The following RBMS3 variants were observed in gnomAD, a reference collection of about 807,000 sequenced individuals.
RBMS3 encodes RNA binding motif single stranded interacting protein 3.
In RBMS3, 27 loss-of-function variants were observed where a neutral mutation model predicts 66.8. That is an observed-to-expected ratio of 0.40 (90% CI 0.30 to 0.56). The LOEUF (loss-of-function observed/expected upper bound fraction) is 0.56, where lower values mean the gene tolerates loss of function less well. Among genes scored for constraint, RBMS3 ranks in the 20% least tolerant of loss-of-function variants. The pLI is 0.40. For missense variants in RBMS3, 513 were observed against 549.5 expected (o/e 0.93, Z 0.66); for synonymous variants, 188 against 183.0 (o/e 1.03, Z -0.22).
chr3:29,719,647 C>G (rs2053557232), intron 4 of RBMS3, among the ~76,000 whole-genome samples: 2 of 152,136 alleles, frequency 1.3e-5, no homozygotes, highest in African/African-American at 4.8e-5. Context: ...TTTCCCCCCT[C>G]ACATTTGGCC....
Position 29,558,669 on chromosome 3 carries a change from T to G in RBMS3, c.308-28445T>G, listed in dbSNP as rs560412533. On this transcript the variant is annotated intron_variant, in intron 3 of 14. Transcript: ENST00000383767. ...TGTAAACTCTTAGAACCTGAAATGATCTGTATATGGAATTAAAGGTAATTC... is the reference window on the plus strand; with the variant it reads ...TGTAAACTCTTAGAACCTGAAATGAGCTGTATATGGAATTAAAGGTAATTC... Among the ~76,000 whole-genome samples, 39 of 152,286 alleles carry G rather than the reference T, an allele frequency of 2.6e-4. No individual in the cohort carries two copies. The South Asian group carries it at 8.1e-3, about 32-fold the overall frequency.
intron 1 of RBMS3, among the ~76,000 whole-genome samples, chr3:29,325,153 TGTAA>T (rs1204952510): frequency 6.6e-6 from 1 of 152,196 alleles, no homozygotes; most frequent in Non-Finnish European, 1.5e-5. Context: ...TGTATTAAGT[TGTAA>T]GTATCTCCAA....
At chr3:29,564,312 C>T (rs891731227) in intron 3 of RBMS3, among the ~76,000 whole-genome samples, 4 of 151,654 alleles carry the variant, frequency 2.6e-5, no homozygotes, top group East Asian at 3.9e-4. Context: ...CATGTCTCCA[C>T]TAAAAATACA....
chr3:29,874,268 T>C (rs2059559074), intron 7 of RBMS3, among the ~76,000 whole-genome samples: 1 of 152,176 alleles, frequency 6.6e-6, no homozygotes, highest in Non-Finnish European at 1.5e-5. Flanking sequence ...GACATAGAAT[T>C]AAACCACTGG....
At chr3:29,376,955 G>A (rs544354450) in intron 1 of RBMS3, among the ~76,000 whole-genome samples, 1 of 152,132 alleles carries the variant, frequency 6.6e-6, no homozygotes, top group Non-Finnish European at 1.5e-5. Flanking sequence ...CGGACGTGGT[G>A]GCGGATGCCT....
intron 4 of RBMS3, among the ~76,000 whole-genome samples, chr3:29,680,886 T>G (rs2051457885): frequency 6.6e-6 from 1 of 152,226 alleles, no homozygotes. Flanking sequence ...ACAGGAATCT[T>G]AAGTATGCTG....
intron 4 of RBMS3, chr3:29,616,457 G>A (rs1010213513): frequency 6.4e-6 from 1 of 156,206 alleles, no homozygotes; most frequent in Non-Finnish European, 1.4e-5. Flanking sequence ...CTGCACTCCA[G>A]ACTGGGCCAC....
chr3:29,525,904 T>C (rs139199240), intron 3 of RBMS3, among the ~76,000 whole-genome samples: 43 of 152,306 alleles, frequency 2.8e-4, no homozygotes, highest in Non-Finnish European at 5.6e-4. Flanking sequence ...TGAAGTGTTG[T>C]TTTCCAGCGA....
intron 1 of RBMS3, among the ~76,000 whole-genome samples, chr3:29,321,332 C>A (rs1014642330): frequency 1.3e-5 from 2 of 152,072 alleles, no homozygotes; most frequent in Non-Finnish European, 2.9e-5. Context: ...TTACTGTTTT[C>A]CATTTAACAA....
At chr3:29,766,527 A>T (rs189845243) in intron 6 of RBMS3, 12 of 152,116 alleles carry the variant, frequency 7.9e-5, no homozygotes, top group South Asian at 2.1e-4. Context: ...CTAATTCCTG[A>T]CAGATAAGTG....
intron 12 of RBMS3, among the ~76,000 whole-genome samples, chr3:29,981,224 GCTCT>G (rs1196879632): frequency 6.6e-6 from 1 of 151,852 alleles, no homozygotes; most frequent in East Asian, 1.9e-4. Context: ...TCATGATTTG[GCTCT>G]CTGTCTATTA....
chr3:29,371,865 G>GT (rs889143912), intron 1 of RBMS3, among the ~76,000 whole-genome samples: 19 of 151,824 alleles, frequency 1.3e-4, no homozygotes, highest in African/African-American at 3.9e-4. Flanking sequence ...TTTACAAGAA[G>GT]TTTTTTTTAA....
At chr3:29,432,839 T>C (rs1014897230) in intron 1 of RBMS3, among the ~76,000 whole-genome samples, 5 of 152,076 alleles carry the variant, frequency 3.3e-5, no homozygotes, top group African/African-American at 1.2e-4. Flanking sequence ...GGGTGAAAAG[T>C]TGGGAGTACC....
intron 1 of RBMS3, among the ~76,000 whole-genome samples, chr3:29,290,937 A>G (rs188295921): frequency 1.3e-5 from 2 of 152,042 alleles, no homozygotes; most frequent in South Asian, 2.1e-4. Context: ...AATATGTTGA[A>G]AAAGCTTTTA....
At chr3:29,350,120 A>G (rs568414459) in intron 1 of RBMS3, among the ~76,000 whole-genome samples, 2 of 151,270 alleles carry the variant, frequency 1.3e-5, no homozygotes, top group African/African-American at 2.4e-5. Flanking sequence ...AGGTCTCACC[A>G]TTGCACTCCA....
chr3:29,907,023 G>A (rs748072957), intron 10 of RBMS3, among the ~76,000 whole-genome samples: 3 of 151,998 alleles, frequency 2.0e-5, no homozygotes, highest in Non-Finnish European at 4.4e-5. Flanking sequence ...TATTTACACT[G>A]GTTTACCCAA....
At position 30,004,437 on chromosome 3, in the gene RBMS3, CTTG is replaced by C. The variant is rs901924184; in HGVS notation, c.*579_*581del. ...GGCTCTCGAGGCAAGCTGTCAACGT[CTTG>C]TTGAAAACAAAAATCAAGAAAGAAT... On this transcript the variant is annotated 3_prime_UTR_variant, in exon 15 of 15. Coordinates refer to ENST00000383767, the MANE Select transcript of RBMS3 (RefSeq NM_001003793.3). The C allele has an allele frequency of 5.3e-5, 8 of 152,164 alleles. No individual in the cohort carries two copies. The highest frequency in any genetic ancestry group is 4.1e-4 in the South Asian group (2 of 4,820). The allele number at this position is 152,164 out of a possible 1,614,324, so 9.4% of individuals were successfully genotyped here.
intron 12 of RBMS3, among the ~76,000 whole-genome samples, chr3:29,968,521 G>T (rs1004845627): frequency 6.7e-6 from 1 of 150,120 alleles, no homozygotes; most frequent in African/African-American, 2.5e-5. Context: ...GGGCCTTTCT[G>T]CTGCTTCCTC....
chr3:29,829,926 T>G (rs923817653), intron 6 of RBMS3, among the ~76,000 whole-genome samples: 2 of 152,162 alleles, frequency 1.3e-5, no homozygotes, highest in Admixed American at 6.6e-5. Context: ...GCAGAATTAT[T>G]ATGTCGCTTC....
Sources: gnomAD v4.1 joint callset for allele counts (sites outside exome capture counted in the v4.1 genomes callset) on GRCh38, gnomAD v4.1.1 for gene constraint, MANE v1.5 for transcripts, NCBI Gene and HGNC (gene_info 2026-07-23, HGNC 2026-07-21) for gene names.